Variants in ZBBX observed in about 807,000 individuals in gnomAD.
ZBBX encodes zinc finger B-box domain-containing protein 1.
In ZBBX, 101 loss-of-function variants were observed where a neutral mutation model predicts 108.5. The ratio of observed to expected loss-of-function variants is 0.93; its 90% CI spans 0.79 to 1.10. The LOEUF (loss-of-function observed/expected upper bound fraction) is 1.10, where lower values mean the gene tolerates loss of function less well. Ranked by LOEUF, ZBBX falls within the 50% of genes least tolerant of loss-of-function variation. ZBBX has a pLI of 0.00. For synonymous variants in ZBBX, 356 were observed against 323.4 expected (o/e 1.10, Z -1.08); for missense variants, 1,009 against 941.4 (o/e 1.07, Z -0.94).
chr3:167,306,547 G>A (rs894357553), intron 16 of ZBBX, among the ~76,000 whole-genome samples: 14 of 152,284 alleles, frequency 9.2e-5, no homozygotes, highest in African/African-American at 2.9e-4. Flanking sequence ...TAACCTGGTT[G>A]CACAGTAGAA....
chr3:167,249,409 C>T (rs540038203), intron 20 of ZBBX, among the ~76,000 whole-genome samples: 12 of 152,260 alleles, frequency 7.9e-5, no homozygotes, highest in African/African-American at 2.9e-4. Flanking sequence ...CCAGGGGCAA[C>T]CCCAGCAGAG....
chr3:167,335,449 T>C (rs1266128534), intron 9 of ZBBX, among the ~76,000 whole-genome samples: 4 of 152,076 alleles, frequency 2.6e-5, no homozygotes, highest in Non-Finnish European at 5.9e-5. Context: ...CTATCTGAGT[T>C]TGAATTAAAC....
chr3:167,252,602 A>AG (rs1406866430), intron 20 of ZBBX, among the ~76,000 whole-genome samples: 1 of 151,744 alleles, frequency 6.6e-6, no homozygotes, highest in East Asian at 1.9e-4. Flanking sequence ...AAAAAAAAAA[A>AG]AATCCATGTC....
intron 18 of ZBBX, among the ~76,000 whole-genome samples, chr3:167,296,900 G>A (rs1164464756): frequency 6.6e-6 from 1 of 151,968 alleles, no homozygotes; most frequent in South Asian, 2.1e-4. Flanking sequence ...GCAATCACCA[G>A]GGACCCTGAA....
chr3:167,262,834 T>C (rs776259188), intron 20 of ZBBX, among the ~76,000 whole-genome samples: 10 of 152,158 alleles, frequency 6.6e-5, no homozygotes, highest in Non-Finnish European at 1.3e-4. Context: ...ACTGATTTTA[T>C]CTATTTGGCT....
At chr3:167,327,317 C>T (rs1035456786) in intron 11 of ZBBX, among the ~76,000 whole-genome samples, 4 of 151,942 alleles carry the variant, frequency 2.6e-5, no homozygotes, top group African/African-American at 9.7e-5. Context: ...GTTACAATTA[C>T]TGCTCAAAAA....
chr3:167,301,674 T>C (rs1003611682), intron 17 of ZBBX, among the ~76,000 whole-genome samples: 1 of 152,080 alleles, frequency 6.6e-6, no homozygotes, highest in Admixed American at 6.6e-5. Flanking sequence ...CTGGACATAT[T>C]TGGACGGGCG....
intron 8 of ZBBX, among the ~76,000 whole-genome samples, chr3:167,354,830 T>A (rs940905910): frequency 6.6e-6 from 1 of 151,994 alleles, no homozygotes; most frequent in Non-Finnish European, 1.5e-5. Context: ...GTTAACAACA[T>A]ACTTTTAGTA....
At position 167,327,962 on chromosome 3, in the gene ZBBX, T is replaced by C. The variant is rs1737712343; in HGVS notation, c.842A>G (p.Asn281Ser). 6.4e-7 allele frequency: 1 copy of C among 1,573,436 alleles called. No homozygotes were observed. Among genetic ancestry groups the C allele is most frequent in the Non-Finnish European group, 8.7e-7 (1 of 1,154,932 alleles). The change falls in exon 11 of 22, where the codon AAT (asparagine) becomes AGT (serine). Residue 281 changes from asparagine (N) to serine (S), a missense_variant. Coordinates refer to ENST00000675490, the MANE Select transcript of ZBBX (RefSeq NM_001199201.2). ...CATACCTTTTACTGCTGCATGTAAATTCTGTTTCTTGTTGTCATCATGATT... is the reference window on the plus strand; with the variant it reads ...CATACCTTTTACTGCTGCATGTAAACTCTGTTTCTTGTTGTCATCATGATT... ...TGNHDDNKKQ[N>S]LHAAVKDSLE...
rs576971810 is a variant in ZBBX at position 167,242,751 on chromosome 3, G to A, written c.2255-108C>T. ...AGTAAATTACAGGCAATACAAAGAA[G>A]GTCAGCATAGATTTTTAATTATTCC... is the stretch of plus-strand genomic sequence containing the variant. On this transcript the variant is annotated intron_variant, in intron 20 of 21. Coordinates refer to ENST00000675490, the MANE Select transcript of ZBBX (RefSeq NM_001199201.2). 4.5e-5 allele frequency: 44 copies of A among 979,386 alleles called. No homozygotes were observed. The African/African-American group carries it at 6.2e-4, about 14-fold the overall frequency. The allele number at this position is 979,386 out of a possible 1,614,324, so 60.7% of individuals were successfully genotyped here.
At chr3:167,196,109 A>G in the ZBBX span, among the ~76,000 whole-genome samples, 4 of 152,138 alleles carry the variant, frequency 2.6e-5, no homozygotes, top group Non-Finnish European at 5.9e-5. Flanking sequence ...TCTAATGATG[A>G]GTTTTGCCTC....
chr3:167,357,591 G>C (rs939305211), intron 8 of ZBBX, among the ~76,000 whole-genome samples: 1 of 152,086 alleles, frequency 6.6e-6, no homozygotes, highest in Non-Finnish European at 1.5e-5. Context: ...ATAGCCAAAA[G>C]GGGGAAGCAA....
At chr3:167,381,851 G>T (rs1577139945), upstream of ZBBX, among the ~76,000 whole-genome samples, 1 of 152,160 alleles carries the variant, frequency 6.6e-6, no homozygotes, top group Non-Finnish European at 1.5e-5. Context: ...CATGTCAGCT[G>T]CTATGAAGAA....
chr3:167,348,310 G>GAGAGAAAT (rs1741914389), intron 9 of ZBBX, among the ~76,000 whole-genome samples: 1 of 85,508 alleles, frequency 1.2e-5, no homozygotes, highest in African/African-American at 4.8e-5. Context: ...AAGAGAGAAA[G>GAGAGAAAT]AAAGAGAAAG....
the ZBBX span, among the ~76,000 whole-genome samples, chr3:167,219,025 A>C: frequency 6.6e-6 from 1 of 152,094 alleles, no homozygotes; most frequent in East Asian, 1.9e-4. Context: ...AAACTGTAAA[A>C]GAGAGACAGA....
intron 12 of ZBBX, among the ~76,000 whole-genome samples, chr3:167,319,097 C>G (rs1179047441): frequency 6.6e-6 from 1 of 151,870 alleles, no homozygotes; most frequent in East Asian, 1.9e-4. Context: ...CTATCACAGT[C>G]CCAGGTATTT....
chr3:167,330,965 C>CTCTCTCTCTCTCTCTCTCTCTCTG, intron 10 of ZBBX, among the ~76,000 whole-genome samples: 1 of 146,914 alleles, frequency 6.8e-6, no homozygotes, highest in Non-Finnish European at 1.5e-5. Context: ...CTCTCTCTCT[C>CTCTCTCTCTCTCTCTCTCTCTCTG]CCCCACTCCC....
chr3:167,199,588 T>C, the ZBBX span, among the ~76,000 whole-genome samples: 1 of 152,210 alleles, frequency 6.6e-6, no homozygotes, highest in African/African-American at 2.4e-5. Context: ...TCTTGTTACA[T>C]ACACATGGTA....
chr3:167,375,758 T>C (rs1193465599), intron 2 of ZBBX, among the ~76,000 whole-genome samples: 1 of 152,058 alleles, frequency 6.6e-6, no homozygotes, highest in Non-Finnish European at 1.5e-5. Context: ...AAATCTAACC[T>C]GAAAGGGTAG....
Sources: gnomAD v4.1 joint callset for allele counts (sites outside exome capture counted in the v4.1 genomes callset) on GRCh38, gnomAD v4.1.1 for gene constraint, MANE v1.5 for transcripts, NCBI Gene and HGNC (gene_info 2026-07-23, HGNC 2026-07-21) for gene names.